NELL2: variants seen among roughly 807,000 people sequenced by gnomAD.
The protein encoded by NELL2 is protein kinase C-binding protein NELL2.
A neutral mutation model predicts 109.6 loss-of-function variants in NELL2; 41 were observed. That is an observed-to-expected ratio of 0.37 (90% CI 0.29 to 0.49). The LOEUF (loss-of-function observed/expected upper bound fraction) is 0.49, where lower values mean the gene tolerates loss of function less well. NELL2 is among the 20% of genes least tolerant of loss of function. The pLI is 0.98. For missense variants in NELL2, 900 were observed against 1,008.3 expected (o/e 0.89, Z 1.45); for synonymous variants, 355 against 344.7 (o/e 1.03, Z -0.33).
At chr12:44,888,870 A>C (rs1456922079) in intron 1 of NELL2, among the ~76,000 whole-genome samples, 9 of 151,960 alleles carry the variant, frequency 5.9e-5, no homozygotes, top group Admixed American at 5.9e-4. Flanking sequence ...AAATAAGAGA[A>C]GTATTGCTTC....
chr12:44,718,905 A>AT (rs1938623442), intron 9 of NELL2, among the ~76,000 whole-genome samples: 1 of 152,132 alleles, frequency 6.6e-6, no homozygotes, highest in South Asian at 2.1e-4. Context: ...GGTCTGTGTG[A>AT]TTTAGGTCAC....
At chr12:44,618,895 C>T (rs976720413) in intron 13 of NELL2, among the ~76,000 whole-genome samples, 4 of 152,070 alleles carry the variant, frequency 2.6e-5, no homozygotes, top group Non-Finnish European at 4.4e-5. Flanking sequence ...AAGGCCTGTT[C>T]GGGTAGGTAT....
At chr12:44,701,318 T>C (rs147336936) in intron 12 of NELL2, among the ~76,000 whole-genome samples, 1 of 152,082 alleles carries the variant, frequency 6.6e-6, no homozygotes, top group Non-Finnish European at 1.5e-5. Context: ...AATTTTTCCA[T>C]CACTTTCTTA....
chr12:44,744,239 T>C (rs2136507823), intron 9 of NELL2, among the ~76,000 whole-genome samples: 1 of 152,246 alleles, frequency 6.6e-6, no homozygotes, highest in Admixed American at 6.5e-5. Flanking sequence ...ATAAAGATGT[T>C]CTTTGAAACC....
chr12:44,678,142 A>G (rs1215096095), intron 12 of NELL2, among the ~76,000 whole-genome samples: 4 of 151,854 alleles, frequency 2.6e-5, no homozygotes, highest in Admixed American at 2.6e-4. Context: ...AAGCAGGTGG[A>G]GAAAAATTGC....
intron 13 of NELL2, among the ~76,000 whole-genome samples, chr12:44,662,685 A>T (rs1947786603): frequency 6.6e-6 from 1 of 152,250 alleles, no homozygotes; most frequent in Admixed American, 6.5e-5. Flanking sequence ...ATAAAGCAGA[A>T]AAAGGCTTCT....
At chr12:44,888,469 C>T (rs1272949860) in intron 1 of NELL2, among the ~76,000 whole-genome samples, 2 of 141,368 alleles carry the variant, frequency 1.4e-5, no homozygotes, top group African/African-American at 5.3e-5. Context: ...TAAATAAAAT[C>T]GGAAATGAAA....
chr12:44,766,457 G>C (rs1215373341), intron 9 of NELL2, among the ~76,000 whole-genome samples: 1 of 152,148 alleles, frequency 6.6e-6, no homozygotes, highest in Non-Finnish European at 1.5e-5. Flanking sequence ...CAACTTCTAA[G>C]ATGCTTTAAA....
intron 13 of NELL2, among the ~76,000 whole-genome samples, chr12:44,655,048 G>C (rs1947449991): frequency 6.6e-6 from 1 of 152,192 alleles, no homozygotes; most frequent in African/African-American, 2.4e-5. Flanking sequence ...CTCCGGGCAT[G>C]TATAATCCTT....
chr12:44,700,340 A>T (rs1276752271), intron 12 of NELL2, among the ~76,000 whole-genome samples: 1 of 152,126 alleles, frequency 6.6e-6, no homozygotes, highest in African/African-American at 2.4e-5. Flanking sequence ...TATGTTTAAA[A>T]CACAAGTGTG....
intron 13 of NELL2, among the ~76,000 whole-genome samples, chr12:44,638,753 T>C (rs1333958775): frequency 1.3e-5 from 2 of 152,206 alleles, no homozygotes; most frequent in Non-Finnish European, 2.9e-5. Flanking sequence ...TCTCACTTGC[T>C]TTGTTCAACA....
intron 15 of NELL2, among the ~76,000 whole-genome samples, chr12:44,590,800 T>A (rs1038050495): frequency 6.6e-6 from 1 of 151,312 alleles, no homozygotes; most frequent in African/African-American, 2.4e-5. Flanking sequence ...AGCTTCTGCA[T>A]AGCAAAGGAA....
At chr12:44,701,485 T>G (rs1374074434) in intron 12 of NELL2, among the ~76,000 whole-genome samples, 1 of 152,114 alleles carries the variant, frequency 6.6e-6, no homozygotes, top group East Asian at 1.9e-4. Context: ...GTCTTTATGA[T>G]TAGGCCAATT....
At chr12:44,517,990 A>C (rs1417678398) in intron 19 of NELL2, among the ~76,000 whole-genome samples, 1 of 152,194 alleles carries the variant, frequency 6.6e-6, no homozygotes, top group African/African-American at 2.4e-5. Context: ...TATTTTCAAA[A>C]TAACACAAAA....
In NELL2 at chr12:44,708,044, A is replaced by G. The variant is rs530829647; in HGVS notation, c.1189+3248T>C. On this transcript the variant is annotated intron_variant, in intron 11 of 19. Coordinates refer to ENST00000429094, the MANE Select transcript of NELL2 (RefSeq NM_001145108.2). ...TAAGCCTTAATGATCTTGCAGGCAGACAAAGTGGTTGCCAAGGAGGAGGAG... is the reference window on the plus strand; with the variant it reads ...TAAGCCTTAATGATCTTGCAGGCAGGCAAAGTGGTTGCCAAGGAGGAGGAG... 2.0e-5 allele frequency among the ~76,000 whole-genome samples: 3 copies of G among 152,258 alleles called. No homozygotes were observed. In the South Asian group the frequency reaches 6.2e-4, roughly 32 times the overall value.
upstream of NELL2, among the ~76,000 whole-genome samples, chr12:44,879,594 G>A (rs7976829): frequency 0.15 from 22,135 of 151,806 alleles, 1,885 homozygotes; most frequent in Admixed American, 0.22. Context: ...TTTGGAGAGG[G>A]TGGAACACAG....
chr12:44,909,605 A>G (rs908195281), intron 1 of NELL2, among the ~76,000 whole-genome samples: 3 of 152,128 alleles, frequency 2.0e-5, no homozygotes, highest in Admixed American at 2.0e-4. Flanking sequence ...TTCATATGGA[A>G]CCAAAAAGGA....
intron 3 of NELL2, among the ~76,000 whole-genome samples, chr12:44,815,598 A>C (rs1255775852): frequency 1.3e-5 from 2 of 152,218 alleles, no homozygotes; most frequent in African/African-American, 4.8e-5. Context: ...ATAATGTAAC[A>C]AAACCATTCT....
chr12:44,654,483 C>T lies in NELL2; in HGVS notation c.1444+11001G>A, dbSNP rs111518601. On this transcript the variant is annotated intron_variant, in intron 13 of 19. Transcript: ENST00000429094. Reference sequence around the variant, plus strand: ...CCTGCTAGCCATACCTTTGTGTAATCCCCTTCGGTTTAGTGTGGGCTGGAC... The same window carrying T: ...CCTGCTAGCCATACCTTTGTGTAATTCCCTTCGGTTTAGTGTGGGCTGGAC... Among the ~76,000 whole-genome samples, 2 of 152,294 alleles carry T rather than the reference C, an allele frequency of 1.3e-5. 1 individual carries two copies. Among genetic ancestry groups the T allele is most frequent in the South Asian group, 4.1e-4 (2 of 4,828 alleles).
Sources: allele counts gnomAD v4.1 joint callset (sites outside exome capture counted in the v4.1 genomes callset), GRCh38; gene constraint gnomAD v4.1.1; transcripts MANE v1.5; gene names NCBI Gene and HGNC (gene_info 2026-07-23, HGNC 2026-07-21).